Variants in TRPC5 observed in about 807,000 individuals in gnomAD.
The protein encoded by TRPC5 is transient receptor potential cation channel subfamily C member 5.
A neutral mutation model predicts 56.5 loss-of-function variants in TRPC5; 9 were observed. The observed-to-expected ratio is 0.16, with a 90% CI of 0.10 to 0.28. The LOEUF (loss-of-function observed/expected upper bound fraction) is 0.28. Ranked by LOEUF, TRPC5 falls within the 10% of genes least tolerant of loss-of-function variation. The pLI is 1.00. For synonymous variants in TRPC5, 282 were observed against 278.5 expected (o/e 1.01, Z -0.13); for missense variants, 469 against 748.9 (o/e 0.63, Z 4.36).
chrX:111,880,057 T>A (rs1162915128), intron 3 of TRPC5, among the ~76,000 whole-genome samples: 1 of 111,728 alleles, frequency 9.0e-6, no homozygotes, highest in Non-Finnish European at 1.9e-5. Flanking sequence ...TTCATATTTT[T>A]AAAATGAAGA....
intron 1 of TRPC5, among the ~76,000 whole-genome samples, chrX:111,967,825 G>A (rs1476331106): frequency 9.0e-6 from 1 of 111,607 alleles, no homozygotes; most frequent in Non-Finnish European, 1.9e-5. Context: ...AATTAATTCA[G>A]GATGTATTAA....
rs191840102 is a variant in TRPC5, at chrX:111,790,892, G to A, written c.1897-8754C>T. Among the ~76,000 whole-genome samples the A allele has an allele frequency of 2.5e-4, 27 of 108,140 alleles. No homozygotes were observed. In the East Asian group the frequency reaches 4.7e-3, roughly 19 times the overall value. The allele number at this position is 108,140 out of a possible 115,157, so 93.9% of individuals were successfully genotyped here. A position where few individuals can be genotyped will look rare whatever the true frequency, so the allele number is the denominator to read the frequency against. ...AAAACTTAGCTGGGTATGGTGGCTC[G>A]CACCTGTAATCCCAGCTGCTTGGGA... On this transcript the variant is annotated intron_variant, in intron 7 of 10. Transcript: ENST00000262839.
chrX:111,781,025 C>T, intron 9 of TRPC5, 140 bp downstream of exon 9: 2 of 611,604 alleles, frequency 3.3e-6, no homozygotes, highest in Admixed American at 2.3e-5. Context: ...GTACTTCAGC[C>T]CTTGATAAAT....
At chrX:112,021,993 T>C (rs1929284361) in intron 1 of TRPC5, among the ~76,000 whole-genome samples, 1 of 112,297 alleles carries the variant, frequency 8.9e-6, no homozygotes, top group Non-Finnish European at 1.9e-5. Flanking sequence ...GATGATTTGA[T>C]TGTGTCTAGC....
At chrX:111,910,829 G>A (rs961659304) in intron 3 of TRPC5, among the ~76,000 whole-genome samples, 11 of 112,884 alleles carry the variant, frequency 9.7e-5, no homozygotes, top group East Asian at 2.8e-4. Flanking sequence ...ACCACACCCC[G>A]CCCAGCTAAT....
chrX:111,939,164 T>TTTC (rs1206094480), intron 2 of TRPC5, among the ~76,000 whole-genome samples: 1 of 112,000 alleles, frequency 8.9e-6, no homozygotes, highest in Non-Finnish European at 1.9e-5. Context: ...AATCATATGG[T>TTTC]TTCTGTCTTT....
intron 1 of TRPC5, among the ~76,000 whole-genome samples, chrX:112,054,218 C>T (rs1930285980): frequency 2.7e-5 from 3 of 111,311 alleles, no homozygotes; most frequent in Non-Finnish European, 5.7e-5. Context: ...TGGAGAGTAC[C>T]TCTTTGGGGC....
chrX:111,985,237 G>T (rs1340220446), intron 1 of TRPC5, among the ~76,000 whole-genome samples: 1 of 112,072 alleles, frequency 8.9e-6, no homozygotes, highest in African/African-American at 3.2e-5. Flanking sequence ...GCCAGCTGTT[G>T]AGTATATCTA....
chrX:111,789,103 C>A (rs1039098481), intron 7 of TRPC5, among the ~76,000 whole-genome samples: 2 of 111,898 alleles, frequency 1.8e-5, no homozygotes, highest in Non-Finnish European at 3.8e-5. Context: ...GCCCACATTG[C>A]CAAAACAATC....
At chrX:111,964,860 C>T (rs2148644564) in intron 1 of TRPC5, among the ~76,000 whole-genome samples, 1 of 111,999 alleles carries the variant, frequency 8.9e-6, no homozygotes, top group African/African-American at 3.2e-5. Context: ...GTACCAGCCA[C>T]TGCAAAAACA....
chrX:111,936,449 T>C (rs1926579720), intron 2 of TRPC5, among the ~76,000 whole-genome samples: 1 of 109,941 alleles, frequency 9.1e-6, no homozygotes, highest in African/African-American at 3.3e-5. Context: ...ACCCATTAAC[T>C]CGTCATTTAG....
intron 1 of TRPC5, among the ~76,000 whole-genome samples, chrX:112,016,917 A>G (rs1929140846): frequency 8.9e-6 from 1 of 112,752 alleles, no homozygotes; most frequent in South Asian, 3.7e-4. Flanking sequence ...TGTGAGGGTT[A>G]AAAGAGGTAA....
At chrX:111,996,881 A>C (rs962981978) in intron 1 of TRPC5, among the ~76,000 whole-genome samples, 13 of 110,561 alleles carry the variant, frequency 1.2e-4, no homozygotes, top group African/African-American at 4.3e-4. Flanking sequence ...CCTTTATTTT[A>C]GCCTATGTGA....
intron 1 of TRPC5, among the ~76,000 whole-genome samples, chrX:112,009,848 G>C (rs1226082106): frequency 1.8e-5 from 2 of 111,081 alleles, no homozygotes; most frequent in African/African-American, 6.6e-5. Context: ...GCCTGTTGTG[G>C]GGTGGGTGGA....
intron 1 of TRPC5, among the ~76,000 whole-genome samples, chrX:112,023,246 G>GTTTTTTTTTTTT (rs1163231468): frequency 9.2e-4 from 52 of 56,675 alleles, no homozygotes; most frequent in Middle Eastern, 0.013. Flanking sequence ...TTTTTTTTTT[G>GTTTTTTTTTTTT]TTTTTTTTTT....
At position 111,771,172 on chromosome X, in the gene TRPC5, A is replaced by G. The variant is rs1399323762; in HGVS notation, c.*5141T>C. ...CAGGGATGTATGACAGTTGATTTCAATGATCAAAAGTTGTGGGCTGTTTAT... is the reference window on the plus strand; with the variant it reads ...CAGGGATGTATGACAGTTGATTTCAGTGATCAAAAGTTGTGGGCTGTTTAT... On this transcript the variant is annotated 3_prime_UTR_variant, in exon 11 of 11. Transcript: ENST00000262839. Among the ~76,000 whole-genome samples the G allele has an allele frequency of 3.6e-5, 4 of 111,679 alleles. No homozygotes were observed. Among genetic ancestry groups the G allele is most frequent in the Admixed American group, 9.6e-5 (1 of 10,463 alleles).
chrX:111,790,092 A>C (rs1189545379), intron 7 of TRPC5, among the ~76,000 whole-genome samples: 2 of 112,228 alleles, frequency 1.8e-5, no homozygotes, highest in South Asian at 3.7e-4. Context: ...TCATGCTGCT[A>C]TAAAGACACA....
intron 1 of TRPC5, among the ~76,000 whole-genome samples, chrX:111,956,945 C>G (rs1927251843): frequency 8.9e-6 from 1 of 111,993 alleles, no homozygotes; most frequent in Non-Finnish European, 1.9e-5. Flanking sequence ...CCTTTATCCC[C>G]TGGCCCAAGT....
chrX:111,999,017 CT>C (rs1297980222), intron 1 of TRPC5, among the ~76,000 whole-genome samples: 1 of 111,471 alleles, frequency 9.0e-6, no homozygotes. Context: ...TGGTGGTTTG[CT>C]GCACCTATCA....
Sources: gnomAD v4.1 joint callset for allele counts (sites outside exome capture counted in the v4.1 genomes callset) on GRCh38, gnomAD v4.1.1 for gene constraint, MANE v1.5 for transcripts, NCBI Gene and HGNC (gene_info 2026-07-23, HGNC 2026-07-21) for gene names.